Variants in ACBD4 observed in about 807,000 individuals in gnomAD.
ACBD4 encodes acyl-CoA-binding domain-containing protein 4.
ACBD4 carries 41 observed loss-of-function variants against 46.0 expected under a neutral mutation model. The ratio of observed to expected loss-of-function variants is 0.89; its 90% CI spans 0.69 to 1.16. The LOEUF is 1.16. ACBD4 is among the 50% of genes most tolerant of loss of function. The pLI, the probability that ACBD4 is intolerant of heterozygous loss-of-function variation, is 0.00. For missense variants in ACBD4, 393 were observed against 399.5 expected (o/e 0.98, Z 0.14); for synonymous variants, 162 against 155.9 (o/e 1.04, Z -0.29).
chr17:45,136,068 G>T (rs1598067602), intron 1 of ACBD4, 40 bp from the exon 2 acceptor site: 2 of 1,474,038 alleles, frequency 1.4e-6, no homozygotes, highest in East Asian at 2.3e-5. Flanking sequence ...GTGCCGGGGG[G>T]ACCCTGGAGG....
chr17:45,138,482 A>T (rs2055023104), intron 8 of ACBD4: 1 of 188,556 alleles, frequency 5.3e-6, no homozygotes, highest in Non-Finnish European at 1.1e-5. Context: ...AGATGACAAA[A>T]TGATGCCCAG....
chr17:45,132,021 GC>G (rs2054461576), upstream of ACBD4, among the ~76,000 whole-genome samples: 2 of 152,140 alleles, frequency 1.3e-5, no homozygotes, highest in Non-Finnish European at 2.9e-5. This position sits in a 1 kb window ranked among gnomAD's most constrained non-coding sequence, Gnocchi z 4.6. Context: ...CCCCGCGAGC[GC>G]CCCCTGGTGG....
chr17:45,136,603 C>T lies in ACBD4; in HGVS notation c.192C>T (p.Pro64=). Residue 64 remains proline, a synonymous_variant, in exon 3 of 10, where the codon CCC becomes CCT. Transcript: ENST00000321854. The part of the protein sequence containing the change: ...CLVPRPGFWD[P]IGRYKWDAWN... The stretch of plus-strand genomic sequence containing the variant: ...TCCCCCGGCCCGGGTTCTGGGACCC[C>T]ATTGGACGATATAAGTGGTGAGCTC... 1 of 1,613,964 alleles carries T rather than the reference C, an allele frequency of 6.2e-7. No homozygotes were observed.
Position 45,143,935 on chromosome 17 carries a change from C to T in ACBD4, c.*364C>T. 1 of 264,356 alleles carries T rather than the reference C, an allele frequency of 3.8e-6. No homozygotes were observed. The highest frequency in any genetic ancestry group is 8.5e-5 in the East Asian group (1 of 11,812). 16.4% of individuals were successfully genotyped at this position (264,356 alleles called of 1,614,324 possible). ...CCTGCTTCTCCCCGAGGAGGTTGAG[C>T]TCTTGAGCAAGTTGGGACTTGGGCC... On this transcript the variant is annotated 3_prime_UTR_variant, in exon 10 of 10. Transcript: ENST00000321854.
chr17:45,143,650 C>T lies in ACBD4; in HGVS notation c.*79C>T. ...GCCTTCCTAGGGTTTAGAAGAACAG[C>T]ATTCAAAATTCCCCGTCCTGTCAGT... is the stretch of plus-strand genomic sequence containing the variant. On this transcript the variant is annotated 3_prime_UTR_variant, in exon 10 of 10. Transcript: ENST00000321854. 1 of 1,608,952 alleles carries T rather than the reference C, an allele frequency of 6.2e-7. No individual in the cohort carries two copies. Among genetic ancestry groups the T allele is most frequent in the African/African-American group, 1.3e-5 (1 of 74,948 alleles).
At chr17:45,132,216 G>A (rs774716717), upstream of ACBD4, 3 of 1,251,852 alleles carry the variant, frequency 2.4e-6, no homozygotes, top group South Asian at 1.2e-4. The surrounding 1 kb of genome is among the most constrained non-coding windows in gnomAD (Gnocchi z 4.6). Context: ...AACGGTCCGC[G>A]CCCACCCCAC....
Position 45,136,709 on chromosome 17 carries a change from T to C in ACBD4, c.227T>C (p.Leu76Pro). The C allele has an allele frequency of 3.1e-6, 5 of 1,614,070 alleles. No individual in the cohort carries two copies. In the South Asian group the frequency reaches 4.4e-5, roughly 14 times the overall value. Residue 76 changes from leucine (L) to proline (P), a missense_variant, in exon 4 of 10, where the codon CTG (leucine) becomes CCG (proline). Physicochemically the swap from Leu to Pro is moderately conservative, Grantham distance 98. Transcript: ENST00000321854. Reference sequence around the variant, plus strand: ...GCCCCCAGGGACGCCTGGAACAGTCTGGGCAAGATGAGCAGGGAGGAGGCC... The same window carrying C: ...GCCCCCAGGGACGCCTGGAACAGTCCGGGCAAGATGAGCAGGGAGGAGGCC... ...GRYKWDAWNS[L>P]GKMSREEAMS...
At chr17:45,140,062 C>T (rs944717660) in intron 9 of ACBD4, among the ~76,000 whole-genome samples, 18 of 152,236 alleles carry the variant, frequency 1.2e-4, no homozygotes, top group Middle Eastern at 3.4e-3. Flanking sequence ...CTAATCCACT[C>T]AGCACAGCAG....
At chr17:45,140,280 T>A (rs2080705536) in intron 9 of ACBD4, among the ~76,000 whole-genome samples, 1 of 150,996 alleles carries the variant, frequency 6.6e-6, no homozygotes, top group South Asian at 2.1e-4. Flanking sequence ...GCCTCCCGGG[T>A]TCAAGTGATT....
upstream of ACBD4, among the ~76,000 whole-genome samples, chr17:45,133,667 G>T (rs1447257294): frequency 3.4e-5 from 5 of 149,096 alleles, no homozygotes; most frequent in Non-Finnish European, 7.5e-5. Context: ...AAGTAGCTGG[G>T]ACTACAGGCG....
At position 45,137,424 on chromosome 17, in the gene ACBD4, C is replaced by T. The variant is rs372896376; in HGVS notation, c.472C>T (p.Leu158Phe). The T allele has an allele frequency of 4.3e-6, 7 of 1,613,946 alleles. No homozygotes were observed. The highest frequency in any genetic ancestry group is 5.9e-6 in the Non-Finnish European group (7 of 1,180,010). Reference sequence around the variant, plus strand: ...TGGGGCTGTTTCAGAGCCTCCCTGCCTCCCCAAGGAACCGGCACCCCCAAG... The same window carrying T: ...TGGGGCTGTTTCAGAGCCTCCCTGCTTCCCCAAGGAACCGGCACCCCCAAG... ...DVGAVSEPPC[L>F]PKEPAPPSPE... The change falls in exon 6 of 10, where the codon CTC (leucine) becomes TTC (phenylalanine). Residue 158 changes from leucine to phenylalanine, a missense_variant. Physicochemically the swap from Leu to Phe is conservative, Grantham distance 22 (BLOSUM62 0). Coordinates refer to ENST00000321854, the MANE Select transcript of ACBD4 (RefSeq NM_001135705.3).
Position 45,143,697 on chromosome 17 carries a change from C to T in ACBD4, c.*126C>T. The T allele has an allele frequency of 6.6e-7, 1 of 1,517,630 alleles. No homozygotes were observed. The highest frequency in any genetic ancestry group is 1.4e-5 in the African/African-American group (1 of 72,666). The allele number at this position is 1,517,630 out of a possible 1,614,324, so 94.0% of individuals were successfully genotyped here. A position where few individuals can be genotyped will look rare whatever the true frequency, so the allele number is the denominator to read the frequency against. On this transcript the variant is annotated 3_prime_UTR_variant, in exon 10 of 10. Coordinates refer to ENST00000321854, the MANE Select transcript of ACBD4 (RefSeq NM_001135705.3). Reference sequence around the variant, plus strand: ...CAGTGTTTGCCTTCGCACCTCCTCCCCTAAAGCAGCGCGGGGGGCAAATAA... The same window carrying T: ...CAGTGTTTGCCTTCGCACCTCCTCCTCTAAAGCAGCGCGGGGGGCAAATAA...
chr17:45,136,199 G>T lies in ACBD4; in HGVS notation c.55G>T (p.Ala19Ser), dbSNP rs770050455. The T allele has an allele frequency of 3.1e-6, 5 of 1,613,726 alleles. No homozygotes were observed. The South Asian group carries it at 5.5e-5, about 18-fold the overall frequency. ...CGACTGCCAGAAACAGTTCCAGGCT[G>T]CAGTGAGCGTCATCCAGAACCTGCC... is the stretch of plus-strand genomic sequence containing the variant. Reference protein sequence around the residue: ...EPDCQKQFQAAVSVIQNLPKN... With the variant: ...EPDCQKQFQASVSVIQNLPKN... Residue 19 changes from alanine to serine, a missense_variant, in exon 2 of 10, where the codon GCA becomes TCA. Ala to Ser is a moderately conservative substitution (Grantham distance 99). Around this residue, in one of 3 missense-constraint regions of ACBD4, gnomAD observed 61 missense variants for 50.3 expected, o/e 1.21. Coordinates refer to ENST00000321854, the MANE Select transcript of ACBD4 (RefSeq NM_001135705.3).
At chr17:45,140,658 C>A (rs1448038093) in intron 9 of ACBD4, among the ~76,000 whole-genome samples, 32 of 130,828 alleles carry the variant, frequency 2.4e-4, no homozygotes, top group South Asian at 7.6e-4. Flanking sequence ...GATCCTGCCT[C>A]AAAAAAAAAA....
chr17:45,141,765 G>A (rs186196450), intron 9 of ACBD4, among the ~76,000 whole-genome samples: 3 of 152,274 alleles, frequency 2.0e-5, no homozygotes, highest in Non-Finnish European at 2.9e-5. Flanking sequence ...CCCATTATTA[G>A]TAACTCTAGC....
upstream of ACBD4, chr17:45,132,437 C>T (rs941521350): frequency 5.0e-6 from 6 of 1,189,570 alleles, no homozygotes; most frequent in African/African-American, 9.6e-5. This position sits in a 1 kb window ranked among gnomAD's most constrained non-coding sequence, Gnocchi z 4.6. Context: ...GGGGCCGGGC[C>T]CGGGGTCTGC....
At chr17:45,140,169 G>GT (rs201542915) in intron 9 of ACBD4, among the ~76,000 whole-genome samples, 6,501 of 142,784 alleles carry the variant, frequency 0.046, 154 homozygotes, top group Middle Eastern at 0.096. Flanking sequence ...CTTTTCTTCT[G>GT]TTTTTTTTTT....
At chr17:45,136,874 A>G in intron 4 of ACBD4, 98 bp downstream of exon 4, 2 of 1,579,562 alleles carry the variant, frequency 1.3e-6, no homozygotes, top group Non-Finnish European at 1.7e-6. Context: ...GGACCCCCTC[A>G]TGGGAATCAC....
chr17:45,142,317 C>A, intron 9 of ACBD4, among the ~76,000 whole-genome samples: 1 of 138,262 alleles, frequency 7.2e-6, no homozygotes, highest in Non-Finnish European at 1.5e-5. Flanking sequence ...CGCTTGAACC[C>A]AGGAGGCGGA....
Sources: gnomAD v4.1 joint callset for allele counts (sites outside exome capture counted in the v4.1 genomes callset) on GRCh38, gnomAD v4.1.1 for gene constraint, gnomAD v4.1.1 regional missense constraint, Gnocchi (gnomAD v3.1) non-coding constraint, MANE v1.5 for transcripts, NCBI Gene and HGNC (gene_info 2026-07-23, HGNC 2026-07-21) for gene names.